Variants in RRAGD observed in about 807,000 individuals in gnomAD.
RRAGD encodes ras-related GTP-binding protein D.
RRAGD carries 12 observed loss-of-function variants against 35.5 expected under a neutral mutation model. The observed-to-expected ratio is 0.34, with a 90% CI of 0.22 to 0.55. The LOEUF is 0.55. Among genes scored for constraint, RRAGD ranks in the 20% least tolerant of loss-of-function variants. RRAGD has a pLI of 0.91. For synonymous variants in RRAGD, 155 were observed against 178.9 expected (o/e 0.87, Z 1.07); for missense variants, 324 against 490.1 (o/e 0.66, Z 3.20).
chr6:89,403,580 A>G (rs1562466290), intron 1 of RRAGD, among the ~76,000 whole-genome samples: 1 of 150,722 alleles, frequency 6.6e-6, no homozygotes, highest in Non-Finnish European at 1.5e-5. Context: ...ATATATATAT[A>G]CATATGGCCA....
At chr6:89,393,012 A>C (rs960294138) in intron 1 of RRAGD, among the ~76,000 whole-genome samples, 6 of 152,234 alleles carry the variant, frequency 3.9e-5, no homozygotes, top group Non-Finnish European at 7.3e-5. Context: ...ACCCAGTCAC[A>C]GTACTGCCAT....
intron 1 of RRAGD, among the ~76,000 whole-genome samples, chr6:89,391,953 T>G (rs372596848): frequency 3.1e-5 from 2 of 65,032 alleles, no homozygotes; most frequent in African/African-American, 2.4e-4. Flanking sequence ...TGAGACCCTA[T>G]CTCAAAAAAA....
intron 6 of RRAGD, among the ~76,000 whole-genome samples, chr6:89,370,122 A>C (rs1210174750): frequency 6.6e-6 from 1 of 152,198 alleles, no homozygotes; most frequent in African/African-American, 2.4e-5. Context: ...TGTTGAGAGA[A>C]AGTCATTTAT....
chr6:89,387,666 C>A, intron 1 of RRAGD, 76 bp from the exon 2 acceptor site: 1 of 1,325,004 alleles, frequency 7.5e-7, no homozygotes, highest in Non-Finnish European at 1.0e-6. Flanking sequence ...ACTTCCACCT[C>A]AAATGTGATT....
intron 1 of RRAGD, among the ~76,000 whole-genome samples, chr6:89,408,770 G>A (rs1769638689): frequency 6.6e-6 from 1 of 152,296 alleles, no homozygotes; most frequent in South Asian, 2.1e-4. Flanking sequence ...GATTAAATAT[G>A]ATCTTGTAAT....
chr6:89,393,095 C>T (rs538063547), intron 1 of RRAGD, among the ~76,000 whole-genome samples: 1 of 152,312 alleles, frequency 6.6e-6, no homozygotes, highest in South Asian at 2.1e-4. Context: ...AAATATCAGA[C>T]AGATAACATG....
At chr6:89,386,894 A>G (rs1351605686) in intron 2 of RRAGD, among the ~76,000 whole-genome samples, 1 of 152,244 alleles carries the variant, frequency 6.6e-6, no homozygotes, top group East Asian at 1.9e-4. Flanking sequence ...TTTCAGAAGA[A>G]AAATTTTCAC....
intron 6 of RRAGD, among the ~76,000 whole-genome samples, chr6:89,371,049 TATAA>T (rs913046816): frequency 1.3e-5 from 2 of 151,356 alleles, no homozygotes; most frequent in Non-Finnish European, 2.9e-5. Flanking sequence ...TAATATAAAA[TATAA>T]ATATTTTCAT....
Position 89,411,515 on chromosome 6 carries a change from C to T in RRAGD, c.148+331G>A. 3.3e-6 allele frequency: 1 copy of T among 298,766 alleles called. No homozygotes were observed. Among genetic ancestry groups the T allele is most frequent in the South Asian group, 5.0e-5 (1 of 19,828 alleles). The allele number at this position is 298,766 out of a possible 1,614,324, so 18.5% of individuals were successfully genotyped here. ...CCCGCGGTCCCCTCCCCTCCCCAAC[C>T]GCCAGACGCTGCGGAGAGCTTGGGG... is the stretch of plus-strand genomic sequence containing the variant. On this transcript the variant is annotated intron_variant, in intron 1 of 6. Transcript: ENST00000369415. The surrounding 1 kb of genome is among the most constrained non-coding windows in gnomAD (Gnocchi z 5.6).
intron 1 of RRAGD, among the ~76,000 whole-genome samples, chr6:89,410,066 G>A (rs1262351805): frequency 1.3e-5 from 2 of 152,194 alleles, no homozygotes; most frequent in Non-Finnish European, 2.9e-5. Context: ...CTGGGCTCTG[G>A]GGAAGCCCTT....
chr6:89,392,114 T>A (rs1769246287), intron 1 of RRAGD, among the ~76,000 whole-genome samples: 1 of 151,690 alleles, frequency 6.6e-6, no homozygotes, highest in African/African-American at 2.4e-5. Context: ...CATGAGTAAA[T>A]ACACAAAAAT....
At chr6:89,396,025 A>G (rs2127894367) in intron 1 of RRAGD, among the ~76,000 whole-genome samples, 1 of 152,232 alleles carries the variant, frequency 6.6e-6, no homozygotes, top group Admixed American at 6.5e-5. Context: ...GTCTAACTGT[A>G]AGATCTAAAA....
chr6:89,387,425 A>G lies in RRAGD; in HGVS notation c.314T>C (p.Val105Ala). The G allele has an allele frequency of 6.2e-7, 1 of 1,614,166 alleles. No individual in the cohort carries two copies. The highest frequency in any genetic ancestry group is 8.5e-7 in the Non-Finnish European group (1 of 1,180,028). The change falls in exon 2 of 7, where the codon GTT becomes GCT. Residue 105 changes from valine to alanine, a missense_variant. Transcript: ENST00000369415. The stretch of plus-strand genomic sequence containing the variant: ...AAAATTGACAAAGGAGCTGTTGGAA[A>G]CATCTTCCCGGCATATCTTATTAGT... ...ESTNKICRED[V>A]SNSSFVNFQI... is the part of the protein sequence containing the mutation.
chr6:89,379,202 A>G (rs762544552), intron 4 of RRAGD, 22 bp downstream of exon 4: 1 of 1,246,130 alleles, frequency 8.0e-7, no homozygotes, highest in African/African-American at 1.5e-5. Flanking sequence ...AAGTGACTCA[A>G]ACAGGAATAT....
chr6:89,410,690 T>C (rs1239948261), intron 1 of RRAGD, among the ~76,000 whole-genome samples: 2 of 152,252 alleles, frequency 1.3e-5, no homozygotes, highest in Non-Finnish European at 2.9e-5. Context: ...GTTAACTTTA[T>C]TTCCTTTCTG....
chr6:89,371,288 A>G lies in RRAGD; in HGVS notation c.1051+1149T>C, dbSNP rs184403275. On this transcript the variant is annotated intron_variant, in intron 6 of 6. Transcript: ENST00000369415. ...AGGATCACTTGAGCCGAGGAGTTTG[A>G]GACCAGCCTAGGAAACATGGTGAGA... 1.4e-3 allele frequency among the ~76,000 whole-genome samples: 212 copies of G among 152,148 alleles called. 1 individual carries two copies. Among genetic ancestry groups the G allele is most frequent in the Admixed American group, 2.2e-3 (33 of 15,268 alleles).
At position 89,365,126 on chromosome 6, in the gene RRAGD, G is replaced by C. The variant is rs956929835; in HGVS notation, c.*2930C>G. 2 of 152,054 alleles carry C rather than the reference G, an allele frequency of 1.3e-5. No homozygotes were observed. The highest frequency in any genetic ancestry group is 2.9e-5 in the Non-Finnish European group (2 of 68,028). 9.4% of individuals were successfully genotyped at this position (152,054 alleles called of 1,614,324 possible). ...TGCTGTGATTTTAGTCATATTTAAG[G>C]GTCCAAAATATGTTCACAAAAGAAC... On this transcript the variant is annotated 3_prime_UTR_variant, in exon 7 of 7. Transcript: ENST00000369415.
chr6:89,379,494 A>G (rs1218335622), intron 3 of RRAGD, among the ~76,000 whole-genome samples, 156 bp from the exon 4 acceptor site: 1 of 152,148 alleles, frequency 6.6e-6, no homozygotes, highest in Non-Finnish European at 1.5e-5. Flanking sequence ...TCGGTAAAAA[A>G]CAAGCCATTC....
At chr6:89,387,689 A>G (rs1769159891) in intron 1 of RRAGD, 99 bp from the exon 2 acceptor site, 3 of 1,137,196 alleles carry the variant, frequency 2.6e-6, no homozygotes, top group Non-Finnish European at 3.8e-6. Context: ...TGATTCACAG[A>G]TGATGCCACT....
Sources: allele counts gnomAD v4.1 joint callset (sites outside exome capture counted in the v4.1 genomes callset), GRCh38; gene constraint gnomAD v4.1.1; non-coding constraint Gnocchi (gnomAD v3.1); transcripts MANE v1.5; gene names NCBI Gene and HGNC (gene_info 2026-07-23, HGNC 2026-07-21).